MARCHF5: variants seen among roughly 807,000 people sequenced by gnomAD.
MARCHF5 encodes E3 ubiquitin-protein ligase MARCHF5.
A neutral mutation model predicts 36.5 loss-of-function variants in MARCHF5; 5 were observed. That is an observed-to-expected ratio of 0.14 (90% confidence interval 0.07 to 0.29). MARCHF5 has a LOEUF of 0.29. Ranked by LOEUF, MARCHF5 falls within the 10% of genes least tolerant of loss-of-function variation. The probability of loss-of-function intolerance (pLI) is 1.00; values close to 1 mark genes in which losing one functional copy is unlikely to be tolerated. For synonymous variants in MARCHF5, 103 were observed against 109.9 expected (o/e 0.94, Z 0.39); for missense variants, 179 against 336.3 (o/e 0.53, Z 3.66).
chr10:92,342,267 A>G (rs1022021472), intron 3 of MARCHF5, among the ~76,000 whole-genome samples: 6 of 151,242 alleles, frequency 4.0e-5, no homozygotes, highest in African/African-American at 1.5e-4. Context: ...TCCTGCCTCA[A>G]CCTCCCAAGT....
In MARCHF5 at chr10:92,328,814, TA is replaced by T. The variant is rs1379054569; in HGVS notation, c.239-11858del. ...TCAGTGAGGTTATTATATATATATA[TA>T]TATATATTTTTTTTTTTTTTACAGG... On this transcript the variant is annotated intron_variant, in intron 2 of 5. Coordinates refer to ENST00000358935, the MANE Select transcript of MARCHF5 (RefSeq NM_017824.5). 2.9e-3 allele frequency among the ~76,000 whole-genome samples: 202 copies of T among 68,762 alleles called. 1 individual carries two copies. Among genetic ancestry groups the T allele is most frequent in the East Asian group, 0.019 (63 of 3,284 alleles). The allele number at this position is 68,762 out of a possible 152,430, so 45.1% of individuals were successfully genotyped here. A position where few individuals can be genotyped will look rare whatever the true frequency, so the allele number is the denominator to read the frequency against.
intron 1 of MARCHF5, among the ~76,000 whole-genome samples, chr10:92,296,144 G>A (rs1842946963): frequency 6.6e-6 from 1 of 151,934 alleles, no homozygotes; most frequent in Non-Finnish European, 1.5e-5. Context: ...CAAAGTGCTG[G>A]GATTACAGGG....
chr10:92,339,782 C>T (rs955333612), intron 2 of MARCHF5, among the ~76,000 whole-genome samples: 3 of 152,096 alleles, frequency 2.0e-5, no homozygotes, highest in Non-Finnish European at 4.4e-5. Context: ...CTAAATTATA[C>T]TGGGCTTAGT....
chr10:92,312,927 C>T (rs1843162722), intron 2 of MARCHF5, among the ~76,000 whole-genome samples: 2 of 152,168 alleles, frequency 1.3e-5, no homozygotes, highest in South Asian at 4.1e-4. Context: ...TTTAAGTCTA[C>T]CTAGTTGTTA....
intron 2 of MARCHF5, among the ~76,000 whole-genome samples, chr10:92,337,443 G>A (rs1262859859): frequency 2.0e-5 from 3 of 152,030 alleles, no homozygotes; most frequent in Non-Finnish European, 4.4e-5. Context: ...GAACCCAGGA[G>A]GCAAGAGGTT....
At chr10:92,346,975 A>G (rs556139918) in intron 3 of MARCHF5, among the ~76,000 whole-genome samples, 10 of 152,298 alleles carry the variant, frequency 6.6e-5, no homozygotes, top group East Asian at 1.9e-4. Flanking sequence ...ATTTGCTAAC[A>G]CTTTGAGAAT....
chr10:92,308,207 C>A (rs1420834652), intron 1 of MARCHF5, among the ~76,000 whole-genome samples: 1 of 152,100 alleles, frequency 6.6e-6, no homozygotes, highest in Non-Finnish European at 1.5e-5. Flanking sequence ...TCCCAAAGTG[C>A]TGGGATTATA....
At chr10:92,326,810 GT>G (rs1385666957) in intron 2 of MARCHF5, among the ~76,000 whole-genome samples, 2 of 150,522 alleles carry the variant, frequency 1.3e-5, no homozygotes, top group African/African-American at 4.9e-5. Flanking sequence ...CTCATTTGAT[GT>G]TTAAGTTTAT....
Position 92,349,976 on chromosome 10 carries a change from C to A in MARCHF5, c.720+139C>A, listed in dbSNP as rs1843698073. 1.4e-5 allele frequency: 9 copies of A among 654,024 alleles called. No homozygotes were observed. In the South Asian group the frequency reaches 1.4e-4, roughly 10 times the overall value. 40.5% of individuals were successfully genotyped at this position (654,024 alleles called of 1,614,324 possible). A position where few individuals can be genotyped will look rare whatever the true frequency, so the allele number is the denominator to read the frequency against. ...CCTCTATTTGAGCCTCACTATCATT[C>A]AATAGCTTGAGTGGAAATAAAAAGA... On this transcript the variant is annotated intron_variant, in intron 5 of 5. Coordinates refer to ENST00000358935, the MANE Select transcript of MARCHF5 (RefSeq NM_017824.5).
intron 2 of MARCHF5, among the ~76,000 whole-genome samples, chr10:92,314,161 A>G (rs759680726): frequency 3.3e-5 from 5 of 151,948 alleles, no homozygotes; most frequent in Non-Finnish European, 7.4e-5. Flanking sequence ...GCATTGAGCT[A>G]TGATTGCGCC....
intron 1 of MARCHF5, among the ~76,000 whole-genome samples, chr10:92,305,303 A>C (rs1843062246): frequency 6.6e-6 from 1 of 152,082 alleles, no homozygotes; most frequent in African/African-American, 2.4e-5. Flanking sequence ...GCTACTCGGG[A>C]GGGTGAGACA....
chr10:92,302,513 C>T (rs1282625618), intron 1 of MARCHF5, among the ~76,000 whole-genome samples: 1 of 150,668 alleles, frequency 6.6e-6, no homozygotes, highest in African/African-American at 2.4e-5. Context: ...GGCACGATCT[C>T]GGCTCACTGC....
rs776100367 is a variant in MARCHF5 at position 92,351,183 on chromosome 10, T to C, written c.813T>C (p.Asn271=). 63 of 1,612,068 alleles carry C rather than the reference T, an allele frequency of 3.9e-5. 1 individual carries two copies. The South Asian group carries it at 5.1e-4, about 13-fold the overall frequency. The change falls in exon 6 of 6, where the codon AAT becomes AAC. Residue 271 remains asparagine, a synonymous_variant. Coordinates refer to ENST00000358935, the MANE Select transcript of MARCHF5 (RefSeq NM_017824.5). The part of the protein sequence containing the change: ...YLRQAHRKIL[N]YPEQEEA ...GACAGGCACACCGCAAAATTCTGAA[T>C]TATCCAGAACAAGAAGAAGCATAAA...
intron 3 of MARCHF5, among the ~76,000 whole-genome samples, chr10:92,345,798 G>A (rs956839120): frequency 3.4e-5 from 5 of 149,184 alleles, no homozygotes; most frequent in Non-Finnish European, 7.4e-5. Context: ...GGGCTCAGGT[G>A]ATCCTCCCAC....
intron 2 of MARCHF5, among the ~76,000 whole-genome samples, chr10:92,316,436 C>CT (rs1357491121): frequency 5.3e-5 from 8 of 152,174 alleles, no homozygotes; most frequent in Non-Finnish European, 1.2e-4. Flanking sequence ...TATGTACCTA[C>CT]TTAAAACCTT....
chr10:92,351,732 A>G lies in MARCHF5; in HGVS notation c.*525A>G, dbSNP rs1037936896. 4 of 152,674 alleles carry G rather than the reference A, an allele frequency of 2.6e-5. No individual in the cohort carries two copies. Among genetic ancestry groups the G allele is most frequent in the Non-Finnish European group, 4.4e-5 (3 of 68,048 alleles). The allele number at this position is 152,674 out of a possible 1,614,324, so 9.5% of individuals were successfully genotyped here. ...AAAAATGTATGTAAACATTCAAATG[A>G]TTATCTGAACAAATGAGATTTTGTG... On this transcript the variant is annotated 3_prime_UTR_variant, in exon 6 of 6. Transcript: ENST00000358935.
chr10:92,306,929 A>G (rs539872625), intron 1 of MARCHF5, among the ~76,000 whole-genome samples: 30 of 152,202 alleles, frequency 2.0e-4, no homozygotes, highest in South Asian at 6.2e-4. Context: ...CAGGAGAATC[A>G]CTTGAACCCA....
At chr10:92,314,757 C>T (rs61126515) in intron 2 of MARCHF5, among the ~76,000 whole-genome samples, 4 of 122,340 alleles carry the variant, frequency 3.3e-5, no homozygotes, top group African/African-American at 1.1e-4. Context: ...CGCCCCCCCC[C>T]GCCAATAGAG....
At position 92,328,032 on chromosome 10, in the gene MARCHF5, T is replaced by G. The variant is rs550457219; in HGVS notation, c.239-12641T>G. 2.0e-5 allele frequency among the ~76,000 whole-genome samples: 3 copies of G among 152,236 alleles called. No homozygotes were observed. The South Asian group carries it at 6.2e-4, about 32-fold the overall frequency. ...CTCTGGTCTTCTTCCCTGAAACTCC[T>G]AACTCCAAGAGATAATGAGAAAAAC... is the stretch of plus-strand genomic sequence containing the variant. On this transcript the variant is annotated intron_variant, in intron 2 of 5. Coordinates refer to ENST00000358935, the MANE Select transcript of MARCHF5 (RefSeq NM_017824.5).
Sources: gnomAD v4.1 joint callset for allele counts (sites outside exome capture counted in the v4.1 genomes callset) on GRCh38, gnomAD v4.1.1 for gene constraint, MANE v1.5 for transcripts, NCBI Gene and HGNC (gene_info 2026-07-23, HGNC 2026-07-21) for gene names.